Variants in ZNF131 observed in about 807,000 individuals in gnomAD.
The protein encoded by ZNF131 is zinc finger protein 131.
In ZNF131, 7 loss-of-function variants were observed where a neutral mutation model predicts 60.0. The ratio of observed to expected loss-of-function variants is 0.12; its 90% CI spans 0.07 to 0.22. ZNF131 has a LOEUF of 0.22. Among genes scored for constraint, ZNF131 ranks in the 10% least tolerant of loss-of-function variants. The pLI is 1.00. For missense variants in ZNF131, 493 were observed against 740.9 expected, an observed-to-expected ratio of 0.67 and a Z score of 3.88; for synonymous variants, 257 against 253.2, an observed-to-expected ratio of 1.01 and a Z score of -0.14.
rs1554068693 is a variant in ZNF131 at position 43,160,190 on chromosome 5, A to AAAC, written c.372-1057_372-1056insCAA. ...GACTCCATCTCAAAAAAACAAAACAAAAAAAAAAACAAAAAAAGAAGAAAT... is the reference window on the plus strand; with the variant it reads ...GACTCCATCTCAAAAAAACAAAACAAAACAAAAAAAAACAAAAAAAGAAGAAAT... On this transcript the variant is annotated intron_variant, in intron 4 of 6. Coordinates refer to ENST00000682664, the MANE Select transcript of ZNF131 (RefSeq NM_001330707.2). 6.8e-5 allele frequency among the ~76,000 whole-genome samples: 10 copies of AAAC among 146,972 alleles called. 1 individual carries two copies. In the South Asian group the frequency reaches 1.9e-3, roughly 29 times the overall value.
chr5:43,124,650 T>C (rs1001631800), intron 3 of ZNF131: 10 of 152,186 alleles, frequency 6.6e-5, no homozygotes, highest in Admixed American at 2.0e-4. Flanking sequence ...CCTCCATGAA[T>C]TCATTCACAC....
At chr5:43,135,030 C>T (rs540749446) in intron 3 of ZNF131, among the ~76,000 whole-genome samples, 1 of 145,652 alleles carries the variant, frequency 6.9e-6, no homozygotes, top group South Asian at 2.2e-4. Context: ...CTGAGTTTTG[C>T]TCTTGTTGCC....
At chr5:43,173,157 A>T in intron 5 of ZNF131, 161 bp from the exon 6 acceptor site, 1 of 680,666 alleles carries the variant, frequency 1.5e-6, no homozygotes. Flanking sequence ...CCTCTAGAAA[A>T]GTCTTTGGAA....
At chr5:43,173,752 C>CA (rs1341670841) in intron 6 of ZNF131, among the ~76,000 whole-genome samples, 1 of 151,394 alleles carries the variant, frequency 6.6e-6, no homozygotes, top group Non-Finnish European at 1.5e-5. Context: ...TAGATTCCCC[C>CA]CCCATGATTA....
intron 4 of ZNF131, among the ~76,000 whole-genome samples, chr5:43,151,211 A>G (rs992023542): frequency 1.3e-5 from 2 of 152,206 alleles, no homozygotes; most frequent in Middle Eastern, 3.2e-3. Flanking sequence ...GTCATGCACA[A>G]TGTTGTACCA....
chr5:43,174,818 G>A lies in ZNF131; in HGVS notation c.1557G>A (p.Gln519=). ...HDSHMSELPE[Q]VQVSYLEVGR... ...CACACATGAGTGAGCTTCCAGAGCA[G>A]GTCCAAGTGAGTTATCTAGAAGTGG... The change falls in exon 7 of 7, where the codon CAG becomes CAA. Residue 519 remains glutamine, a synonymous_variant. Coordinates refer to ENST00000682664, the MANE Select transcript of ZNF131 (RefSeq NM_001330707.2). 6.2e-7 allele frequency: 1 copy of A among 1,614,202 alleles called. No homozygotes were observed. Among genetic ancestry groups the A allele is most frequent in the Non-Finnish European group, 8.5e-7 (1 of 1,180,046 alleles).
chr5:43,162,764 G>C (rs1294843663), intron 5 of ZNF131, among the ~76,000 whole-genome samples: 1 of 150,058 alleles, frequency 6.7e-6, no homozygotes, highest in Non-Finnish European at 1.5e-5. Flanking sequence ...AATTAGTTGG[G>C]CATGGTGGCA....
chr5:43,134,693 C>CTTTTTTTTTTTTTTTT (rs149464238), intron 3 of ZNF131, among the ~76,000 whole-genome samples: 41 of 88,382 alleles, frequency 4.6e-4, no homozygotes, highest in South Asian at 9.3e-4. Flanking sequence ...TTCTTTTTTT[C>CTTTTTTTTTTTTTTTT]TTTTTTTTTT....
intron 5 of ZNF131, among the ~76,000 whole-genome samples, chr5:43,165,826 A>G (rs1044217789): frequency 2.0e-5 from 3 of 152,244 alleles, no homozygotes; most frequent in African/African-American, 7.2e-5. Context: ...TGAAAGTCCT[A>G]GATGGCATCT....
intron 4 of ZNF131, among the ~76,000 whole-genome samples, chr5:43,150,778 A>C (rs1412272206): frequency 1.3e-5 from 2 of 152,128 alleles, no homozygotes; most frequent in Non-Finnish European, 2.9e-5. Flanking sequence ...ACTCTGTCCC[A>C]AAAACAAACA....
At chr5:43,172,340 G>C (rs528513954) in intron 5 of ZNF131, among the ~76,000 whole-genome samples, 1 of 152,002 alleles carries the variant, frequency 6.6e-6, no homozygotes, top group South Asian at 2.1e-4. Context: ...CCCTAATTTG[G>C]CCAGGTGCAG....
chr5:43,170,275 C>A (rs1228050850), intron 5 of ZNF131, among the ~76,000 whole-genome samples: 2 of 152,138 alleles, frequency 1.3e-5, no homozygotes, highest in African/African-American at 4.8e-5. Flanking sequence ...CTTTTCATCA[C>A]ATAAAAATTG....
intron 2 of ZNF131, 60 bp from the exon 3 acceptor site, chr5:43,123,149 G>T: frequency 1.5e-6 from 2 of 1,357,726 alleles, no homozygotes; most frequent in Non-Finnish European, 2.0e-6. Flanking sequence ...CTATTTTGTA[G>T]TTATACATTT....
intron 5 of ZNF131, among the ~76,000 whole-genome samples, chr5:43,166,717 G>A (rs1470596803): frequency 2.6e-5 from 4 of 151,638 alleles, no homozygotes; most frequent in Non-Finnish European, 4.4e-5. Context: ...GTGCAGTGGC[G>A]TGATCTCGGC....
rs554247148 is a variant in ZNF131, at chr5:43,158,832, C to T, written c.372-2417C>T. 4.7e-5 allele frequency among the ~76,000 whole-genome samples: 7 copies of T among 149,086 alleles called. No homozygotes were observed. In the South Asian group the frequency reaches 1.5e-3, roughly 32 times the overall value. Reference sequence around the variant, plus strand: ...AGTTGCTCTGTGATGCCTCATCCTTCCTTTTCCAGAAAGCCTTTTTTTTTT... The same window carrying T: ...AGTTGCTCTGTGATGCCTCATCCTTTCTTTTCCAGAAAGCCTTTTTTTTTT... On this transcript the variant is annotated intron_variant, in intron 4 of 6. Transcript: ENST00000682664.
intron 4 of ZNF131, among the ~76,000 whole-genome samples, chr5:43,147,413 A>G (rs1747743085): frequency 6.7e-6 from 1 of 149,120 alleles, no homozygotes; most frequent in Admixed American, 6.6e-5. Flanking sequence ...ATTTTATTTT[A>G]TTTATTTATT....
rs146845594 is a variant in ZNF131 at position 43,154,350 on chromosome 5, G to A, written c.372-6899G>A. ...AATTACTTGAACCAGGGAGGTGGAG[G>A]TTGCTGTGAGCTGAGATTGCGCCAC... On this transcript the variant is annotated intron_variant, in intron 4 of 6. Coordinates refer to ENST00000682664, the MANE Select transcript of ZNF131 (RefSeq NM_001330707.2). Among the ~76,000 whole-genome samples, 705 of 152,110 alleles carry A rather than the reference G, an allele frequency of 4.6e-3. 1 individual carries two copies. Among genetic ancestry groups the A allele is most frequent in the Non-Finnish European group, 7.4e-3 (505 of 68,006 alleles).
At chr5:43,142,505 C>T (rs529651167) in intron 4 of ZNF131, among the ~76,000 whole-genome samples, 17 of 151,876 alleles carry the variant, frequency 1.1e-4, no homozygotes, top group Middle Eastern at 6.8e-3. Flanking sequence ...GGTGTTTCAC[C>T]GTCTTGGCCA....
intron 5 of ZNF131, among the ~76,000 whole-genome samples, chr5:43,170,217 T>A (rs926162083): frequency 1.3e-5 from 2 of 152,248 alleles, no homozygotes; most frequent in Non-Finnish European, 2.9e-5. Flanking sequence ...GAAAAGAGTT[T>A]CTGTATTACA....
Sources: allele counts gnomAD v4.1 joint callset (sites outside exome capture counted in the v4.1 genomes callset), GRCh38; gene constraint gnomAD v4.1.1; transcripts MANE v1.5; gene names NCBI Gene and HGNC (gene_info 2026-07-23, HGNC 2026-07-21).